BLOC1S3: variants seen among roughly 807,000 people sequenced by gnomAD.
The protein encoded by BLOC1S3 is biogenesis of lysosomal organelles complex 1 subunit 3, also known as biogenesis of lysosome-related organelles complex 1 subunit 3.
Under a neutral mutation model 9.1 loss-of-function variants are expected in BLOC1S3, and 7 were observed. That is an observed-to-expected ratio of 0.77 (90% confidence interval 0.44 to 1.45). The LOEUF is 1.45. Ranked by LOEUF, BLOC1S3 falls within the 40% of genes most tolerant of loss-of-function variation. The pLI, the probability that BLOC1S3 is intolerant of heterozygous loss-of-function variation, is 0.01. For synonymous variants in BLOC1S3, 145 were observed against 158.4 expected (o/e 0.92, Z 0.64); for missense variants, 307 against 315.2 (o/e 0.97, Z 0.20).
Position 45,179,873 on chromosome 19 carries a change from G to A in BLOC1S3, c.577G>A (p.Glu193Lys), listed in dbSNP as rs1184729950. 5 of 1,609,068 alleles carry A rather than the reference G, an allele frequency of 3.1e-6. No individual in the cohort carries two copies. The highest frequency in any genetic ancestry group is 1.7e-5 in the Admixed American group (1 of 59,866). Residue 193 changes from glutamate (E) to lysine (K), a missense_variant, in exon 2 of 2, where the codon GAG becomes AAG. Physicochemically the swap from Glu to Lys is moderately conservative, Grantham distance 56. Coordinates refer to ENST00000433642, the MANE Select transcript of BLOC1S3 (RefSeq NM_212550.5). This position sits in a 1 kb window ranked among gnomAD's most constrained non-coding sequence, Gnocchi z 4.6. ...LPDIRGVPGT[E>K]PEKDPGPRA ...GGACATCCGCGGCGTGCCAGGGACC[G>A]AGCCTGAGAAAGACCCGGGGCCGCG...
downstream of BLOC1S3, among the ~76,000 whole-genome samples, chr19:45,184,639 G>A (rs1435441580): frequency 1.4e-4 from 22 of 152,158 alleles, no homozygotes; most frequent in African/African-American, 4.3e-4. Context: ...GGTGGCTCAC[G>A]CCTGTAATCC....
intron 2 of BLOC1S3, among the ~76,000 whole-genome samples, chr19:45,189,427 CT>C (rs35692205): frequency 0.43 from 59,124 of 138,552 alleles, 12,936 homozygotes; most frequent in Non-Finnish European, 0.53. Context: ...AGGTAGTCTT[CT>C]TTTTTTTTTT....
rs775350825 is a variant in BLOC1S3 at position 45,179,895 on chromosome 19, C to T, written c.599C>T (p.Pro200Leu). The T allele has an allele frequency of 9.3e-6, 15 of 1,608,242 alleles. No individual in the cohort carries two copies. The South Asian group carries it at 1.3e-4, about 14-fold the overall frequency. Reference protein sequence around the residue: ...PGTEPEKDPGPRA With the variant: ...PGTEPEKDPGLRA The stretch of plus-strand genomic sequence containing the variant: ...ACCGAGCCTGAGAAAGACCCGGGGC[C>T]GCGGGCCTAGCCATGATTCTACTTC... The change falls in exon 2 of 2, where the codon CCG (proline) becomes CTG (leucine). Residue 200 changes from proline (P) to leucine (L), a missense_variant. Physicochemically the swap from Pro to Leu is moderately conservative, Grantham distance 98. Coordinates refer to ENST00000433642, the MANE Select transcript of BLOC1S3 (RefSeq NM_212550.5). The surrounding 1 kb of genome is among the most constrained non-coding windows in gnomAD (Gnocchi z 4.6).
chr19:45,196,340 T>C (rs1467940013), intron 2 of BLOC1S3, among the ~76,000 whole-genome samples: 1 of 152,134 alleles, frequency 6.6e-6, no homozygotes, highest in African/African-American at 2.4e-5. Context: ...ATCGCACCAG[T>C]GCAGTCTAGC....
At chr19:45,189,562 A>G (rs1243386400) in intron 2 of BLOC1S3, among the ~76,000 whole-genome samples, 1 of 145,898 alleles carries the variant, frequency 6.9e-6, no homozygotes, top group Non-Finnish European at 1.5e-5. Flanking sequence ...CCTCCCGAAT[A>G]GCTGAGATTA....
At position 45,181,774 on chromosome 19, in the gene BLOC1S3, G is replaced by A. The variant is rs184044224; in HGVS notation, c.*1869G>A. The A allele has an allele frequency of 5.6e-3, 943 of 167,030 alleles. 12 individuals are homozygous for A. The highest frequency in any genetic ancestry group is 0.022 in the African/African-American group (895 of 41,490). 10.3% of individuals were successfully genotyped at this position (167,030 alleles called of 1,614,324 possible). A position where few individuals can be genotyped will look rare whatever the true frequency, so the allele number is the denominator to read the frequency against. Reference sequence around the variant, plus strand: ...AGAATGGGGAGGAGCTTTTTATGGCGGACTGATTAAAACTCTTAAGCATTT... The same window carrying A: ...AGAATGGGGAGGAGCTTTTTATGGCAGACTGATTAAAACTCTTAAGCATTT... On this transcript the variant is annotated 3_prime_UTR_variant, in exon 2 of 2. Transcript: ENST00000433642.
intron 2 of BLOC1S3, among the ~76,000 whole-genome samples, chr19:45,198,369 G>A (rs888559610): frequency 2.0e-5 from 3 of 152,186 alleles, no homozygotes; most frequent in African/African-American, 4.8e-5. Flanking sequence ...TCGGCTCACT[G>A]CAACCTCCGC....
rs1195986697 is a variant in BLOC1S3 at position 45,189,107 on chromosome 19, G to A, written n.180+1367G>A. ...TTACAGGCATGAGTCACTGTGCCCG[G>A]CTGTTCTTTCTAATTATTATTTTTG... On this transcript the variant is annotated intron_variant and non_coding_transcript_variant, in intron 2 of 3. Transcript: ENST00000591569. Among the ~76,000 whole-genome samples, 33 of 152,068 alleles carry A rather than the reference G, an allele frequency of 2.2e-4. 1 individual carries two copies. The highest frequency in any genetic ancestry group is 2.2e-3 in the Admixed American group (33 of 15,250).
downstream of BLOC1S3, among the ~76,000 whole-genome samples, chr19:45,186,175 G>A (rs1390041852): frequency 2.0e-5 from 3 of 152,004 alleles, no homozygotes; most frequent in Admixed American, 6.6e-5. Flanking sequence ...GGTGAGACTG[G>A]GTCTGTCCTG....
intron 2 of BLOC1S3, among the ~76,000 whole-genome samples, chr19:45,196,769 C>G (rs901102966): frequency 1.3e-5 from 2 of 151,816 alleles, no homozygotes; most frequent in African/African-American, 4.8e-5. Context: ...GGCATGGTGG[C>G]GGGTGCCTGT....
In BLOC1S3 at chr19:45,179,526, C is replaced by T; in HGVS notation, c.230C>T (p.Pro77Leu). Residue 77 changes from proline to leucine, a missense_variant, in exon 2 of 2, where the codon CCG (proline) becomes CTG (leucine). Physicochemically the swap from Pro to Leu is moderately conservative, Grantham distance 98 (BLOSUM62 -3). Coordinates refer to ENST00000433642, the MANE Select transcript of BLOC1S3 (RefSeq NM_212550.5). The surrounding 1 kb of genome is among the most constrained non-coding windows in gnomAD (Gnocchi z 4.6). Reference sequence around the variant, plus strand: ...CCGGAGCCGGAACCGACGGCCGCGCCGAGGGACCTGCCTCCACTCGTGGTG... The same window carrying T: ...CCGGAGCCGGAACCGACGGCCGCGCTGAGGGACCTGCCTCCACTCGTGGTG... ...PEPEPEPTAA[P>L]RDLPPLVVQR... 6.6e-7 allele frequency: 1 copy of T among 1,523,172 alleles called. No individual in the cohort carries two copies. The highest frequency in any genetic ancestry group is 1.2e-5 in the South Asian group (1 of 82,722). The allele number at this position is 1,523,172 out of a possible 1,614,324, so 94.4% of individuals were successfully genotyped here.
intron 3 of BLOC1S3, among the ~76,000 whole-genome samples, chr19:45,211,733 A>T (rs781299022): frequency 1.3e-5 from 2 of 151,494 alleles, no homozygotes; most frequent in Non-Finnish European, 2.9e-5. Context: ...TCAAATGTGC[A>T]TGCGTGAAGT....
At chr19:45,202,085 G>T (rs556158467) in intron 2 of BLOC1S3, among the ~76,000 whole-genome samples, 1 of 151,766 alleles carries the variant, frequency 6.6e-6, no homozygotes, top group Admixed American at 6.6e-5. Flanking sequence ...TTAGCTGGGC[G>T]CCTGTAATCC....
chr19:45,206,450 G>GTTTTTTTTTTTGTTT (rs1969726571), intron 3 of BLOC1S3, among the ~76,000 whole-genome samples: 1 of 55,152 alleles, frequency 1.8e-5, no homozygotes, highest in African/African-American at 9.4e-5. Flanking sequence ...GATTAATCAA[G>GTTTTTTTTTTTGTTT]TTTTTTTTTT....
At chr19:45,198,554 A>C (rs937147630) in intron 2 of BLOC1S3, among the ~76,000 whole-genome samples, 3 of 151,870 alleles carry the variant, frequency 2.0e-5, no homozygotes, top group Admixed American at 2.0e-4. Flanking sequence ...TCAGCCTCCC[A>C]AAGTGCTGGG....
chr19:45,211,157 T>C (rs990875488), intron 3 of BLOC1S3, among the ~76,000 whole-genome samples: 1 of 151,990 alleles, frequency 6.6e-6, no homozygotes, highest in African/African-American at 2.4e-5. Context: ...ATATTGTTGA[T>C]TCCTCAACTC....
At chr19:45,215,786 G>A (rs866894197) in intron 3 of BLOC1S3, among the ~76,000 whole-genome samples, 4 of 152,134 alleles carry the variant, frequency 2.6e-5, no homozygotes, top group East Asian at 1.9e-4. Flanking sequence ...GCTCCCCTGC[G>A]GGCTGGCCCT....
chr19:45,188,367 T>C (rs1175327878), intron 2 of BLOC1S3, among the ~76,000 whole-genome samples: 3 of 151,774 alleles, frequency 2.0e-5, no homozygotes, highest in Admixed American at 6.6e-5. Context: ...ATAGAGATAG[T>C]CTCTGCCATG....
At chr19:45,213,720 G>A (rs1047491666) in intron 3 of BLOC1S3, among the ~76,000 whole-genome samples, 4 of 151,880 alleles carry the variant, frequency 2.6e-5, no homozygotes, top group African/African-American at 9.7e-5. Flanking sequence ...CAAGGCAGGC[G>A]GATCACCTGA....
Sources: allele counts gnomAD v4.1 joint callset (sites outside exome capture counted in the v4.1 genomes callset), GRCh38; gene constraint gnomAD v4.1.1; non-coding constraint Gnocchi (gnomAD v3.1); transcripts MANE v1.5; gene names NCBI Gene and HGNC (gene_info 2026-07-23, HGNC 2026-07-21).